Variants in CPE observed in about 807,000 individuals in gnomAD.
The protein encoded by CPE is carbocypeptidase E.
In CPE, 17 loss-of-function variants were observed where a neutral mutation model predicts 53.5. The observed-to-expected ratio is 0.32, with a 90% CI of 0.22 to 0.48. The LOEUF is 0.48. CPE is among the 20% of genes least tolerant of loss of function. The pLI, the probability that CPE is intolerant of heterozygous loss-of-function variation, is 0.99. For missense variants in CPE, 524 were observed against 614.7 expected, an observed-to-expected ratio of 0.85 and a Z score of 1.56; for synonymous variants, 226 against 228.8, an observed-to-expected ratio of 0.99 and a Z score of 0.11.
In CPE at chr4:165,406,472, C is replaced by T. The variant is rs11728219; in HGVS notation, c.307+26944C>T. On this transcript the variant is annotated intron_variant, in intron 1 of 8. Transcript: ENST00000402744. ...AAATGAACTGACTTCACAGTTTTTC[C>T]CTCAGATTTCAGAATTGTACTGTTC... 6.2e-3 allele frequency: 1,596 copies of T among 257,658 alleles called. 5 individuals carry two copies. Among genetic ancestry groups the T allele is most frequent in the Non-Finnish European group, 8.9e-3 (1,157 of 129,784 alleles). 16.0% of individuals were successfully genotyped at this position (257,658 alleles called of 1,614,324 possible). A position where few individuals can be genotyped will look rare whatever the true frequency, so the allele number is the denominator to read the frequency against.
At chr4:165,496,373 A>G (rs907371397) in intron 8 of CPE, among the ~76,000 whole-genome samples, 2 of 152,196 alleles carry the variant, frequency 1.3e-5, no homozygotes, top group African/African-American at 4.8e-5. Flanking sequence ...TAACTGGTAT[A>G]TGGTTTTGAT....
At chr4:165,464,719 C>T (rs1034753629) in intron 2 of CPE, 133 bp downstream of exon 2, 32 of 636,970 alleles carry the variant, frequency 5.0e-5, no homozygotes, top group African/African-American at 3.0e-4. Context: ...GTGATGCATT[C>T]ATTATTCAAC....
chr4:165,384,822 CAT>C (rs929884912), intron 1 of CPE, among the ~76,000 whole-genome samples: 4 of 152,128 alleles, frequency 2.6e-5, no homozygotes, highest in African/African-American at 9.7e-5. Context: ...GGGTAGGGAA[CAT>C]ATGTTTTCCA....
chr4:165,456,136 T>C (rs1368756194), intron 1 of CPE, among the ~76,000 whole-genome samples: 1 of 152,224 alleles, frequency 6.6e-6, no homozygotes, highest in African/African-American at 2.4e-5. Flanking sequence ...TCTTGTAGGA[T>C]AGGACTATAG....
chr4:165,400,258 T>C (rs1579243803), intron 1 of CPE, among the ~76,000 whole-genome samples: 1 of 152,178 alleles, frequency 6.6e-6, no homozygotes, highest in East Asian at 1.9e-4. Context: ...GGAAAAGATT[T>C]AGGAATCACT....
At chr4:165,405,930 T>C in intron 1 of CPE, 1 of 730,662 alleles carries the variant, frequency 1.4e-6, no homozygotes. Flanking sequence ...CTGATGGCAG[T>C]CACAACAGGC....
In CPE at chr4:165,493,388, G is replaced by T. The variant is rs552194822; in HGVS notation, c.1213+118G>T. 185 of 712,554 alleles carry T rather than the reference G, an allele frequency of 2.6e-4. 1 individual carries two copies. The African/African-American group carries it at 2.9e-3, about 11-fold the overall frequency. 44.1% of individuals were successfully genotyped at this position (712,554 alleles called of 1,614,324 possible). On this transcript the variant is annotated intron_variant, in intron 7 of 8. Coordinates refer to ENST00000402744, the MANE Select transcript of CPE (RefSeq NM_001873.4). Reference sequence around the variant, plus strand: ...AACAAATAGCTCGTATCTCTACAGCGTTTCTCAGCTTTGATCTGGTGAAGT... The same window carrying T: ...AACAAATAGCTCGTATCTCTACAGCTTTTCTCAGCTTTGATCTGGTGAAGT...
At chr4:165,489,698 T>A (rs1732567610) in intron 6 of CPE, among the ~76,000 whole-genome samples, 2 of 152,028 alleles carry the variant, frequency 1.3e-5, no homozygotes, top group African/African-American at 2.4e-5. Flanking sequence ...AGAAAAAAAA[T>A]AATACAAAAC....
chr4:165,414,471 G>T (rs965109567), intron 1 of CPE, among the ~76,000 whole-genome samples: 7 of 152,038 alleles, frequency 4.6e-5, no homozygotes, highest in African/African-American at 1.4e-4. Context: ...GTGTAGTTTC[G>T]AATGTAAGAA....
At chr4:165,383,923 C>T (rs1408070183) in intron 1 of CPE, among the ~76,000 whole-genome samples, 1 of 152,124 alleles carries the variant, frequency 6.6e-6, no homozygotes, top group Non-Finnish European at 1.5e-5. Flanking sequence ...CAGCTTTTGC[C>T]AGAAGTGATG....
Position 165,379,394 on chromosome 4 carries a change from AGCT to A in CPE, c.176_178del (p.Leu59del), listed in dbSNP as rs1730464909. The A allele has an allele frequency of 6.2e-7, 1 of 1,609,520 alleles. No individual in the cohort carries two copies. Among genetic ancestry groups the A allele is most frequent in the Admixed American group, 1.7e-5 (1 of 59,782 alleles). ...TCCTTCGAGTACCACCGCTACCCCG[AGCT>A]GCGCGAGGCGCTCGTGTCCGTGTGG... On this transcript the variant is annotated inframe_deletion, in exon 1 of 9. Coordinates refer to ENST00000402744, the MANE Select transcript of CPE (RefSeq NM_001873.4). This position sits in a 1 kb window ranked among gnomAD's most constrained non-coding sequence, Gnocchi z 6.0.
intron 7 of CPE, 74 bp downstream of exon 7, chr4:165,493,344 C>T (rs1732642361): frequency 1.9e-6 from 2 of 1,065,540 alleles, no homozygotes; most frequent in Non-Finnish European, 2.8e-6. Flanking sequence ...AATTATAAGT[C>T]TTATGTTCTT....
At chr4:165,426,569 C>A (rs905775178) in intron 1 of CPE, among the ~76,000 whole-genome samples, 1 of 138,284 alleles carries the variant, frequency 7.2e-6, no homozygotes, top group Non-Finnish European at 1.6e-5. Flanking sequence ...TTTCAGTGGC[C>A]TATTTTATGT....
At chr4:165,394,928 T>G (rs72701675) in intron 1 of CPE, among the ~76,000 whole-genome samples, 4,722 of 152,226 alleles carry the variant, frequency 0.031, 131 homozygotes, top group South Asian at 0.081. Context: ...AAGAAATATA[T>G]AAAGGAACTA....
intron 8 of CPE, among the ~76,000 whole-genome samples, chr4:165,496,011 G>A (rs751455295): frequency 5.9e-5 from 9 of 151,672 alleles, no homozygotes; most frequent in Non-Finnish European, 1.2e-4. Flanking sequence ...TTCTCAATAA[G>A]TATTTGAAAA....
At chr4:165,416,136 CAGTAGCTGAGACGAA>C (rs1731118109) in intron 1 of CPE, among the ~76,000 whole-genome samples, 1 of 152,218 alleles carries the variant, frequency 6.6e-6, no homozygotes, top group Non-Finnish European at 1.5e-5. Context: ...TCAACCGTAA[CAGTAGCTGAGACGAA>C]AGCATTGCTC....
chr4:165,495,112 A>G (rs1579286503), intron 7 of CPE, among the ~76,000 whole-genome samples: 1 of 152,218 alleles, frequency 6.6e-6, no homozygotes, highest in South Asian at 2.1e-4. Context: ...AGTCTTTAGA[A>G]ATCTAAATTT....
At chr4:165,409,173 A>T (rs1303337495) in intron 1 of CPE, among the ~76,000 whole-genome samples, 1 of 152,016 alleles carries the variant, frequency 6.6e-6, no homozygotes, top group Non-Finnish European at 1.5e-5. Flanking sequence ...TCAGATTATG[A>T]CACTGAATAC....
chr4:165,484,767 AT>A (rs1732476336), intron 5 of CPE, among the ~76,000 whole-genome samples, 163 bp downstream of exon 5: 1 of 152,232 alleles, frequency 6.6e-6, no homozygotes, highest in Non-Finnish European at 1.5e-5. Context: ...TTTTGCGTGA[AT>A]GATTACTATG....
Sources: gnomAD v4.1 joint callset for allele counts (sites outside exome capture counted in the v4.1 genomes callset) on GRCh38, gnomAD v4.1.1 for gene constraint, Gnocchi (gnomAD v3.1) non-coding constraint, MANE v1.5 for transcripts, NCBI Gene and HGNC (gene_info 2026-07-23, HGNC 2026-07-21) for gene names.